The following PRKCH variants were observed in gnomAD, a reference collection of about 807,000 sequenced individuals.
The protein encoded by PRKCH is protein kinase C eta, also known as protein kinase C eta type.
PRKCH carries 28 observed loss-of-function variants against 82.5 expected under a neutral mutation model. The observed-to-expected ratio is 0.34, with a 90% confidence interval of 0.25 to 0.47. PRKCH has a LOEUF of 0.47. PRKCH is among the 20% of genes least tolerant of loss of function. PRKCH has a pLI of 1.00. For synonymous variants in PRKCH, 322 were observed against 327.4 expected, an observed-to-expected ratio of 0.98 and a Z score of 0.18; for missense variants, 705 against 881.8, an observed-to-expected ratio of 0.80 and a Z score of 2.54.
chr14:61,506,069 C>G (rs1265156061), intron 10 of PRKCH, among the ~76,000 whole-genome samples: 1 of 152,106 alleles, frequency 6.6e-6, no homozygotes, highest in Non-Finnish European at 1.5e-5. Context: ...TCAATGCCTA[C>G]CAGGCCTGGT....
At chr14:61,519,211 G>C (rs909046612) in intron 10 of PRKCH, among the ~76,000 whole-genome samples, 2 of 152,054 alleles carry the variant, frequency 1.3e-5, no homozygotes, top group Non-Finnish European at 2.9e-5. Flanking sequence ...GGGCCCAGAC[G>C]GTCGTGGCTG....
At chr14:61,192,385 A>T (rs962740693) in intron 1 of PRKCH, among the ~76,000 whole-genome samples, 1 of 152,234 alleles carries the variant, frequency 6.6e-6, no homozygotes, top group East Asian at 1.9e-4. Flanking sequence ...AAAGGTGTTC[A>T]TTCTGAAAAG....
chr14:61,254,669 G>A lies in PRKCH; in HGVS notation c.-19+67001G>A, dbSNP rs1254063303. ...AACATAAAAACCTACTAAAAGATTG[G>A]CAATCATAGATGTCAATTTTTGAGA... is the stretch of plus-strand genomic sequence containing the variant. On this transcript the variant is annotated intron_variant, in intron 1 of 3. Coordinates refer to the PRKCH transcript ENST00000555185. 2.0e-5 allele frequency among the ~76,000 whole-genome samples: 3 copies of A among 152,100 alleles called. No homozygotes were observed. The East Asian group carries it at 5.8e-4, about 29-fold the overall frequency.
intron 2 of PRKCH, among the ~76,000 whole-genome samples, chr14:61,397,873 A>T (rs780851402): frequency 6.6e-6 from 1 of 152,176 alleles, no homozygotes; most frequent in Non-Finnish European, 1.5e-5. Context: ...AGATGAACCT[A>T]CTCAAAACCT....
At chr14:61,258,444 T>C (rs944098512) in intron 1 of PRKCH, among the ~76,000 whole-genome samples, 11 of 152,198 alleles carry the variant, frequency 7.2e-5, no homozygotes, top group Non-Finnish European at 1.3e-4. Context: ...CTTTTATTTT[T>C]TTCCCAGGCT....
At chr14:61,426,890 CTGTT>C (rs1292498533) in intron 2 of PRKCH, among the ~76,000 whole-genome samples, 9 of 152,162 alleles carry the variant, frequency 5.9e-5, no homozygotes, top group Non-Finnish European at 1.5e-5. Context: ...GGATTAGAAA[CTGTT>C]TGTAATGGGG....
At chr14:61,424,049 ACT>A (rs1882989308) in intron 2 of PRKCH, among the ~76,000 whole-genome samples, 1 of 151,474 alleles carries the variant, frequency 6.6e-6, no homozygotes, top group Non-Finnish European at 1.5e-5. Context: ...TCTCCCACAT[ACT>A]CTCTTTCTCA....
chr14:61,547,813 A>G lies in PRKCH; in HGVS notation c.1832A>G (p.His611Arg). 2 of 1,614,210 alleles carry G rather than the reference A, an allele frequency of 1.2e-6. No individual in the cohort carries two copies. The highest frequency in any genetic ancestry group is 8.5e-7 in the Non-Finnish European group (1 of 1,180,038). The stretch of plus-strand genomic sequence containing the variant: ...GGAGGCGAGCACGCCATCTTGAGAC[A>G]TCCTTTTTTTAAGGAAATCGACTGG... ...TQGGEHAILR[H>R]PFFKEIDWAQ... Residue 611 changes from histidine to arginine, a missense_variant, in exon 13 of 14, where the codon CAT (histidine) becomes CGT (arginine). Around this residue, in one of 5 missense-constraint regions of PRKCH, gnomAD observed 115 missense variants for 193.8 expected, o/e 0.59. Transcript: ENST00000332981.
chr14:61,323,751 G>A (rs544661602), intron 1 of PRKCH, among the ~76,000 whole-genome samples: 1 of 152,244 alleles, frequency 6.6e-6, no homozygotes, highest in Non-Finnish European at 1.5e-5. Context: ...TTACTTTGTG[G>A]TACTTAGAAG....
At chr14:61,484,833 A>G (rs900018013) in intron 9 of PRKCH, among the ~76,000 whole-genome samples, 3 of 147,872 alleles carry the variant, frequency 2.0e-5, no homozygotes, top group South Asian at 2.1e-4. Context: ...CCGTGGCACA[A>G]TCACAGCTCA....
intron 12 of PRKCH, among the ~76,000 whole-genome samples, chr14:61,546,876 A>C (rs1370765491): frequency 2.6e-5 from 4 of 152,242 alleles, no homozygotes; most frequent in Non-Finnish European, 5.9e-5. Context: ...TGAAAAGTGA[A>C]TTATCCTGTA....
chr14:61,254,616 A>G (rs1214022025), intron 1 of PRKCH, among the ~76,000 whole-genome samples: 6 of 149,926 alleles, frequency 4.0e-5, no homozygotes, highest in Non-Finnish European at 4.4e-5. Context: ...TTAAAAAACA[A>G]AACAAAATAA....
rs560577794 is a variant in PRKCH, at chr14:61,263,951, T to C, written c.-19+76283T>C. Among the ~76,000 whole-genome samples, 4 of 151,536 alleles carry C rather than the reference T, an allele frequency of 2.6e-5. No individual in the cohort carries two copies. In the South Asian group the frequency reaches 8.4e-4, roughly 32 times the overall value. ...TTCTGGAAAGTGTCTAAGAACAACA[T>C]CCTTATTTTATTTAATCTCATATGC... On this transcript the variant is annotated intron_variant, in intron 1 of 3. Coordinates refer to the PRKCH transcript ENST00000555185.
chr14:61,228,176 C>A lies in PRKCH; in HGVS notation c.-19+40508C>A, dbSNP rs1246568291. Among the ~76,000 whole-genome samples the A allele has an allele frequency of 1.3e-5, 2 of 152,102 alleles. 1 individual carries two copies. The highest frequency in any genetic ancestry group is 2.9e-5 in the Non-Finnish European group (2 of 68,022). On this transcript the variant is annotated intron_variant, in intron 1 of 3. Coordinates refer to the PRKCH transcript ENST00000555185. ...TGTCCACCCTGGGTCACTATAGTAGCTTGGGTGAAAAGTAACTTGGCCATT... is the reference window on the plus strand; with the variant it reads ...TGTCCACCCTGGGTCACTATAGTAGATTGGGTGAAAAGTAACTTGGCCATT...
intron 1 of PRKCH, among the ~76,000 whole-genome samples, chr14:61,196,071 T>C (rs1213185576): frequency 4.0e-5 from 6 of 151,892 alleles, no homozygotes; most frequent in African/African-American, 1.5e-4. Flanking sequence ...AGAGACAACA[T>C]GGGTTGTTGA....
In PRKCH at chr14:61,449,890, CTCTCTCTCTCTGTG is replaced by C. The variant is rs767089737; in HGVS notation, c.702+640_702+653del. On this transcript the variant is annotated intron_variant, in intron 5 of 13. Coordinates refer to ENST00000332981, the MANE Select transcript of PRKCH (RefSeq NM_006255.5). ...TCTCTCTCTCTCTCTCTCTCTCTCT[CTCTCTCTCTCTGTG>C]TGTGTGTGTGTGTGTGTGTATGTGT... Among the ~76,000 whole-genome samples the C allele has an allele frequency of 7.5e-3, 249 of 33,298 alleles. 4 individuals are homozygous for C. In the East Asian group the frequency reaches 0.19, roughly 25 times the overall value. The allele number at this position is 33,298 out of a possible 152,430, so 21.8% of individuals were successfully genotyped here.
At chr14:61,385,008 A>G (rs1446422321) in intron 1 of PRKCH, among the ~76,000 whole-genome samples, 2 of 151,948 alleles carry the variant, frequency 1.3e-5, no homozygotes, top group Non-Finnish European at 2.9e-5. Context: ...TCATTTGTCT[A>G]TTTGTATAGA....
chr14:61,213,486 C>A (rs2044596799), intron 1 of PRKCH, among the ~76,000 whole-genome samples: 1 of 152,194 alleles, frequency 6.6e-6, no homozygotes, highest in South Asian at 2.1e-4. Context: ...GTTTTGTATT[C>A]ATTTATAGCT....
chr14:61,391,425 G>A, intron 2 of PRKCH, 137 bp downstream of exon 2: 2 of 766,932 alleles, frequency 2.6e-6, no homozygotes, highest in South Asian at 5.0e-5. Flanking sequence ...AGTTGGGCTG[G>A]CTAGTATTTT....
Sources: gnomAD v4.1 joint callset for allele counts (sites outside exome capture counted in the v4.1 genomes callset) on GRCh38, gnomAD v4.1.1 for gene constraint, gnomAD v4.1.1 regional missense constraint, MANE v1.5 for transcripts, NCBI Gene and HGNC (gene_info 2026-07-23, HGNC 2026-07-21) for gene names.